The following SPHKAP variants were observed in gnomAD, a reference collection of about 807,000 sequenced individuals.
SPHKAP encodes A-kinase anchor protein SPHKAP.
Under a neutral mutation model 137.5 loss-of-function variants are expected in SPHKAP, and 67 were observed. The observed-to-expected ratio is 0.49, with a 90% CI of 0.40 to 0.60. The LOEUF is 0.60. SPHKAP is among the 20% of genes least tolerant of loss of function. The pLI, the probability that SPHKAP is intolerant of heterozygous loss-of-function variation, is 0.00. For missense variants in SPHKAP, 2,097 were observed against 2,069.3 expected (o/e 1.01, Z -0.26); for synonymous variants, 813 against 785.3 (o/e 1.04, Z -0.59).
chr2:227,991,621 T>C, intron 9 of SPHKAP: 5 of 985,454 alleles, frequency 5.1e-6, no homozygotes, highest in Non-Finnish European at 6.0e-6. Context: ...TCAACCTCCT[T>C]ACCATAAACT....
intron 3 of SPHKAP, among the ~76,000 whole-genome samples, chr2:228,086,402 G>A (rs1206977969): frequency 6.6e-6 from 1 of 151,964 alleles, no homozygotes; most frequent in African/African-American, 2.4e-5. Flanking sequence ...TCTCCCCTCA[G>A]CTCCCAACCA....
rs765055574 is a variant in SPHKAP at position 228,131,987 on chromosome 2, C to T, written c.131G>A (p.Cys44Tyr). ...GGCGTAAGGCAAGGTTACCTTCTTA[C>T]AGGCTGTGATGGAGTTCCCCGGGCC... ...GSGPGNSITA[C>Y]KKVLRSNSLL... Residue 44 changes from cysteine (C) to tyrosine (Y), a missense_variant, in exon 2 of 12, where the codon TGT (cysteine) becomes TAT (tyrosine). Physicochemically the swap from Cys to Tyr is radical, Grantham distance 194. Coordinates refer to ENST00000392056, the MANE Select transcript of SPHKAP (RefSeq NM_001142644.2). 11 of 1,613,800 alleles carry T rather than the reference C, an allele frequency of 6.8e-6. No homozygotes were observed. In the South Asian group the frequency reaches 7.7e-5, roughly 11 times the overall value.
chr2:228,148,429 G>A (rs757839729), intron 1 of SPHKAP, among the ~76,000 whole-genome samples: 59 of 152,162 alleles, frequency 3.9e-4, no homozygotes, highest in Admixed American at 5.9e-4. Flanking sequence ...TAGCAGGATC[G>A]GGAATTGGCC....
chr2:228,159,161 A>C (rs191957825), intron 1 of SPHKAP, among the ~76,000 whole-genome samples: 63 of 152,302 alleles, frequency 4.1e-4, no homozygotes, highest in Admixed American at 4.1e-3. Flanking sequence ...GACACTGTCC[A>C]GTTTCCTAAA....
chr2:228,154,379 A>G (rs1276356750), intron 1 of SPHKAP, among the ~76,000 whole-genome samples: 1 of 150,872 alleles, frequency 6.6e-6, no homozygotes, highest in Non-Finnish European at 1.5e-5. Context: ...ATTTGAAGAA[A>G]AAAATTAGTT....
At chr2:228,118,099 G>A (rs1011390064) in intron 2 of SPHKAP, among the ~76,000 whole-genome samples, 3 of 152,024 alleles carry the variant, frequency 2.0e-5, no homozygotes, top group Middle Eastern at 3.4e-3. Context: ...TGCAGATGGA[G>A]TCCTATAATA....
intron 7 of SPHKAP, among the ~76,000 whole-genome samples, chr2:228,001,977 T>A (rs1013452499): frequency 1.3e-5 from 2 of 152,172 alleles, no homozygotes; most frequent in Non-Finnish European, 2.9e-5. Flanking sequence ...CATTGTTGGA[T>A]ATTTGGATTG....
intron 11 of SPHKAP, among the ~76,000 whole-genome samples, chr2:227,983,194 T>A (rs995581546): frequency 1.3e-5 from 2 of 152,218 alleles, no homozygotes; most frequent in Non-Finnish European, 2.9e-5. Context: ...TTCTTTCCAG[T>A]TTGAGTATGT....
intron 1 of SPHKAP, among the ~76,000 whole-genome samples, chr2:228,134,618 T>C (rs765442132): frequency 1.3e-5 from 2 of 152,168 alleles, no homozygotes; most frequent in Non-Finnish European, 1.5e-5. Context: ...GCTATTATTG[T>C]TAGGTTCTAA....
intron 9 of SPHKAP, chr2:227,991,918 A>G (rs1378909802): frequency 2.6e-5 from 5 of 193,256 alleles, no homozygotes; most frequent in African/African-American, 1.2e-4. Flanking sequence ...CTTTCTTCTT[A>G]TTGGGGAAGT....
chr2:228,150,865 C>T (rs1413349961), intron 1 of SPHKAP, among the ~76,000 whole-genome samples: 2 of 152,132 alleles, frequency 1.3e-5, no homozygotes, highest in South Asian at 2.1e-4. Context: ...ATCCTCATAC[C>T]TCAGCCTCCC....
intron 1 of SPHKAP, among the ~76,000 whole-genome samples, chr2:228,143,993 A>G (rs915229962): frequency 2.6e-5 from 4 of 152,066 alleles, no homozygotes; most frequent in African/African-American, 4.8e-5. Flanking sequence ...TGCTGTTCCT[A>G]AAACAGGCCA....
chr2:228,004,907 AT>A (rs1694065680), intron 7 of SPHKAP, among the ~76,000 whole-genome samples: 1 of 151,836 alleles, frequency 6.6e-6, no homozygotes, highest in Admixed American at 6.6e-5. Flanking sequence ...TTTGATTGCA[AT>A]TTGCTCTGAG....
intron 3 of SPHKAP, 60 bp from the exon 4 acceptor site, chr2:228,027,603 G>GA (rs2106230797): frequency 2.6e-6 from 4 of 1,543,360 alleles, no homozygotes; most frequent in Middle Eastern, 3.4e-4. Flanking sequence ...CTTTTTAGAA[G>GA]AAAGAAAGCA....
chr2:228,178,947 A>C (rs1411009720), intron 1 of SPHKAP, among the ~76,000 whole-genome samples: 3 of 152,068 alleles, frequency 2.0e-5, no homozygotes, highest in East Asian at 3.8e-4. Context: ...AAAAAAAAAA[A>C]CATGTTTTAC....
At chr2:228,125,481 G>A (rs1028983353) in intron 2 of SPHKAP, among the ~76,000 whole-genome samples, 2 of 152,130 alleles carry the variant, frequency 1.3e-5, no homozygotes, top group Non-Finnish European at 2.9e-5. Context: ...TTGTATGTAA[G>A]TATCACACTA....
intron 1 of SPHKAP, among the ~76,000 whole-genome samples, chr2:228,173,685 C>A (rs969406144): frequency 3.9e-5 from 6 of 152,132 alleles, no homozygotes; most frequent in African/African-American, 1.4e-4. Flanking sequence ...GCCCTGGCGG[C>A]ACCTTGATTT....
At chr2:228,174,755 A>G (rs1700688508) in intron 1 of SPHKAP, among the ~76,000 whole-genome samples, 1 of 152,230 alleles carries the variant, frequency 6.6e-6, no homozygotes, top group Admixed American at 6.5e-5. Context: ...TGTTGGAACT[A>G]TATGGCAGGG....
chr2:228,001,354 TATAA>T (rs1056465174), intron 7 of SPHKAP, among the ~76,000 whole-genome samples: 129 of 142,804 alleles, frequency 9.0e-4, no homozygotes, highest in African/African-American at 3.0e-3. Flanking sequence ...TATACACATA[TATAA>T]ATATATACAC....
Sources: gnomAD v4.1 joint callset for allele counts (sites outside exome capture counted in the v4.1 genomes callset) on GRCh38, gnomAD v4.1.1 for gene constraint, MANE v1.5 for transcripts, NCBI Gene and HGNC (gene_info 2026-07-23, HGNC 2026-07-21) for gene names.